Variants in ZNF286A observed in about 807,000 individuals in gnomAD.
ZNF286A encodes zinc finger protein ZNF286.
ZNF286A carries 34 observed loss-of-function variants against 49.3 expected under a neutral mutation model. The observed-to-expected ratio is 0.69, with a 90% CI of 0.52 to 0.92. The LOEUF is 0.92. Among genes scored for constraint, ZNF286A ranks in the 40% least tolerant of loss-of-function variants. The pLI, the probability that ZNF286A is intolerant of heterozygous loss-of-function variation, is 0.00. For synonymous variants in ZNF286A, 155 were observed against 200.4 expected (o/e 0.77, Z 1.91); for missense variants, 462 against 600.2 (o/e 0.77, Z 2.41).
chr17:15,700,656 T>TA (rs1989704176), intron 2 of ZNF286A: 3 of 448,980 alleles, frequency 6.7e-6, no homozygotes, highest in Non-Finnish European at 1.3e-5. Flanking sequence ...TTGTTTTACA[T>TA]AGGAGAAAAC....
At position 15,718,758 on chromosome 17, in the gene ZNF286A, C is replaced by T. The variant is rs867789867; in HGVS notation, c.*1468C>T. On this transcript the variant is annotated 3_prime_UTR_variant, in exon 6 of 6. Coordinates refer to ENST00000583566, the MANE Select transcript of ZNF286A (RefSeq NM_001130842.2). ...TCTGTATCGGTTCAATCTCACACTGCTATAAAGAAATGCCTGAGACTGGGT... is the reference window on the plus strand; with the variant it reads ...TCTGTATCGGTTCAATCTCACACTGTTATAAAGAAATGCCTGAGACTGGGT... 17 of 149,018 alleles carry T rather than the reference C, an allele frequency of 1.1e-4. No individual in the cohort carries two copies. The highest frequency in any genetic ancestry group is 4.3e-4 in the South Asian group (2 of 4,700). 9.2% of individuals were successfully genotyped at this position (149,018 alleles called of 1,614,324 possible).
At chr17:15,712,680 G>A (rs1316908958) in intron 5 of ZNF286A, among the ~76,000 whole-genome samples, 1 of 151,664 alleles carries the variant, frequency 6.6e-6, no homozygotes. Context: ...TATATTTTTT[G>A]TTTTCCTGGA....
At position 15,720,564 on chromosome 17, in the gene ZNF286A, T is replaced by A. The variant is rs1967320682; in HGVS notation, c.*3274T>A. The A allele has an allele frequency of 7.8e-6, 1 of 127,990 alleles. No homozygotes were observed. The highest frequency in any genetic ancestry group is 3.1e-5 in the African/African-American group (1 of 32,630). The allele number at this position is 127,990 out of a possible 1,614,324, so 7.9% of individuals were successfully genotyped here. ...CCAGAGGCTGAAGTTTGCAGTTGAA[T>A]AACATTTTAAATAGTGTTAAGCGAC... On this transcript the variant is annotated 3_prime_UTR_variant, in exon 6 of 6. Transcript: ENST00000583566.
rs1366708713 is a variant in ZNF286A, at chr17:15,709,666, T to C, written c.334+1419T>C. ...ATCTGTATGTTTTATTGTTACACTT[T>C]TTCTTATGTAGTCTGATTTCTTAAA... On this transcript the variant is annotated intron_variant, in intron 5 of 5. Transcript: ENST00000583566. 1.3e-5 allele frequency: 9 copies of C among 698,392 alleles called. No homozygotes were observed. In the African/African-American group the frequency reaches 1.6e-4, roughly 13 times the overall value. 43.3% of individuals were successfully genotyped at this position (698,392 alleles called of 1,614,324 possible). A position where few individuals can be genotyped will look rare whatever the true frequency, so the allele number is the denominator to read the frequency against.
intron 3 of ZNF286A, among the ~76,000 whole-genome samples, chr17:15,705,257 CA>C (rs1360829807): frequency 6.6e-6 from 1 of 152,056 alleles, no homozygotes; most frequent in Non-Finnish European, 1.5e-5. Flanking sequence ...ATTATTTTTT[CA>C]AAATCAGGAC....
At position 15,718,771 on chromosome 17, in the gene ZNF286A, C is replaced by G. The variant is rs190721126; in HGVS notation, c.*1481C>G. ...AATCTCACACTGCTATAAAGAAATGCCTGAGACTGGGTAACTTATAAAGAA... is the reference window on the plus strand; with the variant it reads ...AATCTCACACTGCTATAAAGAAATGGCTGAGACTGGGTAACTTATAAAGAA... On this transcript the variant is annotated 3_prime_UTR_variant, in exon 6 of 6. Transcript: ENST00000583566. 3 of 148,784 alleles carry G rather than the reference C, an allele frequency of 2.0e-5. No homozygotes were observed. The East Asian group carries it at 5.9e-4, about 29-fold the overall frequency. 9.2% of individuals were successfully genotyped at this position (148,784 alleles called of 1,614,324 possible).
Position 15,716,304 on chromosome 17 carries a change from T to C in ZNF286A, c.580T>C (p.Tyr194His). 6.2e-7 allele frequency: 1 copy of C among 1,613,884 alleles called. No individual in the cohort carries two copies. Among genetic ancestry groups the C allele is most frequent in the Non-Finnish European group, 8.5e-7 (1 of 1,179,826 alleles). ...GGAAACAGACCATAAGCATGATGTA[T>C]ACTGGAAAAGCTTCAATCAGAAATC... ...SEETDHKHDV[Y>H]WKSFNQKSVL... The change falls in exon 6 of 6, where the codon TAC becomes CAC. Residue 194 changes from tyrosine (Y) to histidine (H), a missense_variant. Physicochemically the swap from Tyr to His is moderately conservative, Grantham distance 83 (BLOSUM62 2). This residue lies in a region of ZNF286A where 259 missense variants were observed against 272.2 expected (regional missense o/e 0.95). Coordinates refer to ENST00000583566, the MANE Select transcript of ZNF286A (RefSeq NM_001130842.2).
At position 15,716,073 on chromosome 17, in the gene ZNF286A, C is replaced by T; in HGVS notation, c.349C>T (p.Pro117Ser). 2.5e-6 allele frequency: 4 copies of T among 1,613,824 alleles called. No homozygotes were observed. The highest frequency in any genetic ancestry group is 3.4e-6 in the Non-Finnish European group (4 of 1,179,806). The change falls in exon 6 of 6, where the codon CCA becomes TCA. Residue 117 changes from proline to serine, a missense_variant. Around this residue, in one of 3 missense-constraint regions of ZNF286A, gnomAD observed 259 missense variants for 272.2 expected, o/e 0.95. Coordinates refer to ENST00000583566, the MANE Select transcript of ZNF286A (RefSeq NM_001130842.2). ...KSSYSDMETR[P>S]QSKDSTSVQD... ...ATGTCTTTCAGACATGGAGACTAGA[C>T]CACAGAGCAAGGATTCAACTTCAGT...
chr17:15,710,259 A>G (rs1990552527), intron 5 of ZNF286A, among the ~76,000 whole-genome samples: 1 of 151,820 alleles, frequency 6.6e-6, no homozygotes. Context: ...TGTGTTAGGC[A>G]TATAGAATTA....
At chr17:15,713,155 C>G (rs972942084) in intron 5 of ZNF286A, among the ~76,000 whole-genome samples, 10 of 152,064 alleles carry the variant, frequency 6.6e-5, no homozygotes, top group South Asian at 2.1e-4. Context: ...CCTTGGGAGG[C>G]CAAGGTGGGT....
intron 5 of ZNF286A, among the ~76,000 whole-genome samples, chr17:15,711,811 C>G (rs1009525147): frequency 2.3e-4 from 34 of 150,204 alleles, no homozygotes; most frequent in Non-Finnish European, 4.0e-4. Context: ...CAGTACGCTT[C>G]CAGTTTTTTT....
Position 15,708,125 on chromosome 17 carries a change from TTCTG to T in ZNF286A, c.242-26_242-23del, listed in dbSNP as rs761527924. On this transcript the variant is annotated intron_variant, in intron 4 of 5. Coordinates refer to ENST00000583566, the MANE Select transcript of ZNF286A (RefSeq NM_001130842.2). The stretch of plus-strand genomic sequence containing the variant: ...TAACTTACTCCCATTACTTTCTTCT[TTCTG>T]TCTTTTTCTTTTTTTAAATGAATAG... 159 of 1,490,460 alleles carry T rather than the reference TTCTG, an allele frequency of 1.1e-4. 3 individuals are homozygous for T. The highest frequency in any genetic ancestry group is 5.0e-4 in the South Asian group (34 of 68,410). 92.3% of individuals were successfully genotyped at this position (1,490,460 alleles called of 1,614,324 possible). A position where few individuals can be genotyped will look rare whatever the true frequency, so the allele number is the denominator to read the frequency against.
rs570538004 is a variant in ZNF286A, at chr17:15,717,523, T to C, written c.*233T>C. On this transcript the variant is annotated 3_prime_UTR_variant, in exon 6 of 6. Coordinates refer to ENST00000583566, the MANE Select transcript of ZNF286A (RefSeq NM_001130842.2). ...AAATTTTAATCTCCAACGTCCCAAA[T>C]AGCTATCTGTGGAAATTCAAGAAGT... 276 of 665,346 alleles carry C rather than the reference T, an allele frequency of 4.1e-4. 1 individual carries two copies. The African/African-American group carries it at 4.5e-3, about 11-fold the overall frequency. The allele number at this position is 665,346 out of a possible 1,614,324, so 41.2% of individuals were successfully genotyped here.
At chr17:15,708,415 G>A (rs942776973) in intron 5 of ZNF286A, 168 bp downstream of exon 5, 8 of 454,506 alleles carry the variant, frequency 1.8e-5, no homozygotes, top group Non-Finnish European at 3.0e-5. Context: ...TAACATTCAT[G>A]TATCCATCAC....
intron 5 of ZNF286A, among the ~76,000 whole-genome samples, chr17:15,713,850 A>G (rs1220720085): frequency 1.3e-5 from 2 of 151,920 alleles, no homozygotes; most frequent in African/African-American, 2.4e-5. Flanking sequence ...ATTTTATAAA[A>G]AACTCATTTG....
At chr17:15,709,786 A>C (rs1300449334) in intron 5 of ZNF286A, 1 of 1,534,886 alleles carries the variant, frequency 6.5e-7, no homozygotes, top group East Asian at 2.5e-5. Context: ...CTGTATGAAT[A>C]AACTGAACAG....
rs1990582742 is a variant in ZNF286A at position 15,710,732 on chromosome 17, A to G, written c.334+2485A>G. 1.3e-5 allele frequency among the ~76,000 whole-genome samples: 2 copies of G among 152,182 alleles called. 1 individual carries two copies. Among genetic ancestry groups the G allele is most frequent in the Non-Finnish European group, 2.9e-5 (2 of 68,042 alleles). On this transcript the variant is annotated intron_variant, in intron 5 of 5. Transcript: ENST00000583566. ...ATTATGGATATATCTGTTTCACCCCAGAGACCTATTAGTTTCTGTGACTTA... is the reference window on the plus strand; with the variant it reads ...ATTATGGATATATCTGTTTCACCCCGGAGACCTATTAGTTTCTGTGACTTA...
chr17:15,712,028 C>A (rs1029027930), intron 5 of ZNF286A, among the ~76,000 whole-genome samples: 1 of 151,998 alleles, frequency 6.6e-6, no homozygotes, highest in Admixed American at 6.6e-5. Context: ...CCCGCCACCA[C>A]ACCCGGCTAA....
chr17:15,707,162 C>T (rs1477019369), intron 4 of ZNF286A, among the ~76,000 whole-genome samples: 3 of 152,092 alleles, frequency 2.0e-5, no homozygotes, highest in Admixed American at 6.5e-5. Context: ...CTTCTGAGGC[C>T]GGGCGCGGTG....
Sources: gnomAD v4.1 joint callset for allele counts (sites outside exome capture counted in the v4.1 genomes callset) on GRCh38, gnomAD v4.1.1 for gene constraint, gnomAD v4.1.1 regional missense constraint, MANE v1.5 for transcripts, NCBI Gene and HGNC (gene_info 2026-07-23, HGNC 2026-07-21) for gene names.